The following PTPRN2 variants were observed in gnomAD, a reference collection of about 807,000 sequenced individuals.
PTPRN2 encodes the protein protein tyrosine phosphatase receptor type N2, also known as receptor-type tyrosine-protein phosphatase N2.
In PTPRN2, 74 loss-of-function variants were observed where a neutral mutation model predicts 118.8. The ratio of observed to expected loss-of-function variants is 0.62; its 90% confidence interval spans 0.52 to 0.76. The LOEUF (loss-of-function observed/expected upper bound fraction) is 0.76. PTPRN2 is among the 30% of genes least tolerant of loss of function. The pLI is 0.00. For synonymous variants in PTPRN2, 641 were observed against 608.0 expected, an observed-to-expected ratio of 1.05 and a Z score of -0.80; for missense variants, 1,481 against 1,394.4, an observed-to-expected ratio of 1.06 and a Z score of -0.99.
chr7:158,352,321 A>T lies in PTPRN2; in HGVS notation c.164-35389T>A, dbSNP rs1455367116. On this transcript the variant is annotated intron_variant, in intron 2 of 22. Coordinates refer to ENST00000389418, the MANE Select transcript of PTPRN2 (RefSeq NM_002847.5). ...CCTCTTGACTGCTCCCCTCCCTGCC[A>T]GCTACCCTCCTGACCGCTCCCCTCC... Among the ~76,000 whole-genome samples the T allele has an allele frequency of 1.5e-4, 3 of 20,350 alleles. 1 individual carries two copies. Among genetic ancestry groups the T allele is most frequent in the Non-Finnish European group, 2.2e-4 (2 of 8,980 alleles). The allele number at this position is 20,350 out of a possible 152,430, so 13.4% of individuals were successfully genotyped here. A position where few individuals can be genotyped will look rare whatever the true frequency, so the allele number is the denominator to read the frequency against.
At position 157,808,378 on chromosome 7, in the gene PTPRN2, T is replaced by C. The variant is rs115781752; in HGVS notation, c.1788+90295A>G. On this transcript the variant is annotated intron_variant, in intron 12 of 22. Transcript: ENST00000389418. The surrounding 1 kb of genome is among the most constrained non-coding windows in gnomAD (Gnocchi z 5.0). ...GCGAGTGAAACTTTGTCGGTATTTATAGCCAGTCCCCATGGCTCACAGTAC... is the reference window on the plus strand; with the variant it reads ...GCGAGTGAAACTTTGTCGGTATTTACAGCCAGTCCCCATGGCTCACAGTAC... Among the ~76,000 whole-genome samples the C allele has an allele frequency of 6.0e-3, 919 of 152,246 alleles. 5 individuals carry two copies. The highest frequency in any genetic ancestry group is 0.021 in the African/African-American group (860 of 41,534).
chr7:157,599,243 C>T lies in PTPRN2; in HGVS notation c.2419-3928G>A, dbSNP rs566119086. ...CAGGCTGGTCTCGAACTCCTGACCT[C>T]AGGCAATCTGCCTGCTTTGGCCTCC... On this transcript the variant is annotated intron_variant, in intron 16 of 22. Transcript: ENST00000389418. Among the ~76,000 whole-genome samples, 6 of 152,334 alleles carry T rather than the reference C, an allele frequency of 3.9e-5. No homozygotes were observed. The South Asian group carries it at 1.0e-3, about 26-fold the overall frequency.
At chr7:158,495,878 G>A (rs1253246674) in intron 1 of PTPRN2, among the ~76,000 whole-genome samples, 7 of 152,120 alleles carry the variant, frequency 4.6e-5, no homozygotes, top group African/African-American at 1.7e-4. Flanking sequence ...TCAAATGAAA[G>A]CTGTGATTGC....
intron 13 of PTPRN2, among the ~76,000 whole-genome samples, chr7:157,673,641 C>T (rs1433272572): frequency 6.6e-6 from 1 of 152,124 alleles, no homozygotes; most frequent in Non-Finnish European, 1.5e-5. Context: ...TCCCGCCCCA[C>T]AGAGGCCCCC....
At chr7:158,369,367 A>C (rs1187187357) in intron 2 of PTPRN2, among the ~76,000 whole-genome samples, 1 of 152,030 alleles carries the variant, frequency 6.6e-6, no homozygotes, top group Non-Finnish European at 1.5e-5. Context: ...CCCTCTAGAG[A>C]ACCCTGACTA....
chr7:157,765,856 T>TCCAC (rs1802434496), intron 12 of PTPRN2, among the ~76,000 whole-genome samples: 1 of 131,002 alleles, frequency 7.6e-6, no homozygotes, highest in Non-Finnish European at 1.6e-5. Context: ...CATCCACTCA[T>TCCAC]CCATCCATCC....
At chr7:158,179,240 A>T (rs572966662) in intron 5 of PTPRN2, among the ~76,000 whole-genome samples, 122 of 151,986 alleles carry the variant, frequency 8.0e-4, no homozygotes, top group African/African-American at 2.8e-3. Flanking sequence ...TTTAATTTGC[A>T]TTTCCTTGAT....
intron 11 of PTPRN2, among the ~76,000 whole-genome samples, chr7:157,950,178 CTG>C (rs1225909844): frequency 6.6e-6 from 1 of 152,254 alleles, no homozygotes; most frequent in Non-Finnish European, 1.5e-5. Context: ...TGTTCAGTAT[CTG>C]TGTGCATGTT....
At chr7:157,870,316 G>A (rs1330468251) in intron 12 of PTPRN2, among the ~76,000 whole-genome samples, 2 of 152,170 alleles carry the variant, frequency 1.3e-5, no homozygotes, top group African/African-American at 2.4e-5. Flanking sequence ...AATTGATGAG[G>A]GGGTCTGCCA....
rs1189992390 is a variant in PTPRN2, at chr7:157,874,863, ACT to A, written c.1788+23808_1788+23809del. 6.6e-6 allele frequency among the ~76,000 whole-genome samples: 1 copy of A among 151,954 alleles called. No homozygotes were observed. The highest frequency in any genetic ancestry group is 1.9e-4 in the East Asian group (1 of 5,192). On this transcript the variant is annotated intron_variant, in intron 12 of 22. Coordinates refer to ENST00000389418, the MANE Select transcript of PTPRN2 (RefSeq NM_002847.5). The surrounding 1 kb of genome is among the most constrained non-coding windows in gnomAD (Gnocchi z 5.8). The stretch of plus-strand genomic sequence containing the variant: ...CATGCACATATACACACGGAGACAC[ACT>A]CGTGCACATACACACACGGAGACAC...
At chr7:158,315,957 C>A (rs991249858) in intron 3 of PTPRN2, among the ~76,000 whole-genome samples, 8 of 152,150 alleles carry the variant, frequency 5.3e-5, no homozygotes, top group African/African-American at 1.9e-4. Flanking sequence ...ACAAGGTGGT[C>A]GCGGTGGCAG....
rs576429717 is a variant in PTPRN2 at position 157,791,412 on chromosome 7, G to A, written c.1788+107261C>T. On this transcript the variant is annotated intron_variant, in intron 12 of 22. Coordinates refer to ENST00000389418, the MANE Select transcript of PTPRN2 (RefSeq NM_002847.5). The stretch of plus-strand genomic sequence containing the variant: ...GGCGTGTTTTACGTGCTTGGGAAGC[G>A]GAGCGGCCGCTGGGCTTGGCTCTGA... Among the ~76,000 whole-genome samples the A allele has an allele frequency of 1.4e-3, 217 of 152,368 alleles. 1 individual carries two copies. The highest frequency in any genetic ancestry group is 2.4e-3 in the Non-Finnish European group (163 of 68,032).
Position 158,522,903 on chromosome 7 carries a change from C to T in PTPRN2, c.113-33118G>A, listed in dbSNP as rs73510515. On this transcript the variant is annotated intron_variant, in intron 1 of 22. Coordinates refer to ENST00000389418, the MANE Select transcript of PTPRN2 (RefSeq NM_002847.5). The stretch of plus-strand genomic sequence containing the variant: ...GTGGAGCTGGAGAGAACAGACCTGC[C>T]GTGAGAAGGGAGAGGGCAGCAAAGA... 7.6e-3 allele frequency among the ~76,000 whole-genome samples: 1,150 copies of T among 152,174 alleles called. 14 individuals carry two copies. Among genetic ancestry groups the T allele is most frequent in the African/African-American group, 0.026 (1,095 of 41,516 alleles).
At position 157,947,914 on chromosome 7, in the gene PTPRN2, T is replaced by C. The variant is rs567429113; in HGVS notation, c.1724-49177A>G. On this transcript the variant is annotated intron_variant, in intron 11 of 22. Transcript: ENST00000389418. ...CAGTGGGATGATGTATTTAATGTGC[T>C]GAAAGAAAAATAACTGTCAACCAAT... is the stretch of plus-strand genomic sequence containing the variant. 1.6e-3 allele frequency among the ~76,000 whole-genome samples: 247 copies of C among 152,322 alleles called. 2 individuals carry two copies. Among genetic ancestry groups the C allele is most frequent in the African/African-American group, 5.8e-3 (240 of 41,576 alleles).
intron 2 of PTPRN2, among the ~76,000 whole-genome samples, chr7:158,398,388 C>A (rs1812688621): frequency 6.6e-6 from 1 of 152,208 alleles, no homozygotes; most frequent in South Asian, 2.1e-4. Flanking sequence ...CATCCTCCCC[C>A]ACACTGTTGC....
At chr7:158,049,950 T>C (rs1343856874) in intron 11 of PTPRN2, among the ~76,000 whole-genome samples, 1 of 152,094 alleles carries the variant, frequency 6.6e-6, no homozygotes, top group Non-Finnish European at 1.5e-5. Context: ...AGTTCTTATT[T>C]GTTGCAATGT....
chr7:158,256,045 G>A (rs562210987), intron 3 of PTPRN2, among the ~76,000 whole-genome samples: 34 of 152,326 alleles, frequency 2.2e-4, no homozygotes, highest in Admixed American at 8.5e-4. Context: ...TTTGGATGCC[G>A]TGATCAGAAC....
chr7:157,894,859 A>G (rs1797011180), intron 12 of PTPRN2, among the ~76,000 whole-genome samples: 1 of 152,226 alleles, frequency 6.6e-6, no homozygotes, highest in Non-Finnish European at 1.5e-5. Flanking sequence ...AGCACGGTCC[A>G]CACTTTATTG....
At chr7:157,715,196 G>A (rs10266815) in intron 12 of PTPRN2, among the ~76,000 whole-genome samples, 5,825 of 152,284 alleles carry the variant, frequency 0.038, 146 homozygotes, top group African/African-American at 0.063. Context: ...GAGAAATACC[G>A]ACAGGTGGGG....
Sources: allele counts gnomAD v4.1 joint callset (sites outside exome capture counted in the v4.1 genomes callset), GRCh38; gene constraint gnomAD v4.1.1; non-coding constraint Gnocchi (gnomAD v3.1); transcripts MANE v1.5; gene names NCBI Gene and HGNC (gene_info 2026-07-23, HGNC 2026-07-21).